Variants in PPME1 observed in about 807,000 individuals in gnomAD.
The protein encoded by PPME1 is protein phosphatase methylesterase 1, also known as testicular secretory protein Li 39.
A neutral mutation model predicts 56.9 loss-of-function variants in PPME1; 17 were observed. The ratio of observed to expected loss-of-function variants is 0.30; its 90% CI spans 0.20 to 0.45. PPME1 has a LOEUF of 0.45. Among genes scored for constraint, PPME1 ranks in the 20% least tolerant of loss-of-function variants. PPME1 has a pLI of 1.00. For synonymous variants in PPME1, 122 were observed against 156.2 expected (o/e 0.78, Z 1.63); for missense variants, 357 against 483.2 (o/e 0.74, Z 2.45).
intron 11 of PPME1, chr11:74,250,154 A>G (rs933581125): frequency 1.3e-5 from 2 of 152,206 alleles, no homozygotes; most frequent in African/African-American, 4.8e-5. Flanking sequence ...AGAACTTTCA[A>G]GCCCATTCCT....
At chr11:74,214,019 A>G (rs899759367) in intron 3 of PPME1, among the ~76,000 whole-genome samples, 7 of 152,256 alleles carry the variant, frequency 4.6e-5, no homozygotes, top group African/African-American at 1.7e-4. Flanking sequence ...AATCCCAGAG[A>G]GACAGAGATA....
Position 74,232,119 on chromosome 11 carries a change from C to CT in PPME1, c.644+1120dup, listed in dbSNP as rs537416396. On this transcript the variant is annotated intron_variant, in intron 7 of 13. Coordinates refer to ENST00000328257, the MANE Select transcript of PPME1 (RefSeq NM_016147.3). Reference sequence around the variant, plus strand: ...AGTTCTCCAAACCACCCAGATGACGCTTTCAGCAAAATTACAAGAGACCTT... The same window carrying CT: ...AGTTCTCCAAACCACCCAGATGACGCTTTTCAGCAAAATTACAAGAGACCTT... Among the ~76,000 whole-genome samples the CT allele has an allele frequency of 3.1e-3, 478 of 152,298 alleles. 3 individuals are homozygous for CT. The Middle Eastern group carries it at 0.034, about 11-fold the overall frequency.
intron 11 of PPME1, 135 bp downstream of exon 11, chr11:74,247,258 C>T: frequency 1.5e-6 from 1 of 652,778 alleles, no homozygotes; most frequent in Non-Finnish European, 2.7e-6. Flanking sequence ...ACATCCGCCT[C>T]TACTCCTAAC....
chr11:74,229,372 C>T (rs1859011969), intron 5 of PPME1, among the ~76,000 whole-genome samples: 1 of 152,076 alleles, frequency 6.6e-6, no homozygotes, highest in Non-Finnish European at 1.5e-5. Flanking sequence ...CAGTGGGTCT[C>T]CAGAAACACA....
At chr11:74,173,446 CTGAA>C (rs1857332875) in intron 1 of PPME1, among the ~76,000 whole-genome samples, 2 of 151,612 alleles carry the variant, frequency 1.3e-5, no homozygotes, top group Admixed American at 1.3e-4. Flanking sequence ...GATTGAAGAA[CTGAA>C]TGAAGATACT....
At chr11:74,233,874 C>A (rs993843198) in intron 7 of PPME1, among the ~76,000 whole-genome samples, 4 of 152,104 alleles carry the variant, frequency 2.6e-5, no homozygotes, top group African/African-American at 7.2e-5. Context: ...CAGACAGATA[C>A]AAATTTGCAT....
intron 1 of PPME1, among the ~76,000 whole-genome samples, chr11:74,183,401 G>C (rs1036918031): frequency 6.6e-6 from 1 of 152,172 alleles, no homozygotes; most frequent in African/African-American, 2.4e-5. Flanking sequence ...CAATGTTCTT[G>C]TGAGGCACAG....
At chr11:74,174,506 C>T (rs942963496) in intron 1 of PPME1, among the ~76,000 whole-genome samples, 1 of 152,184 alleles carries the variant, frequency 6.6e-6, no homozygotes, top group Non-Finnish European at 1.5e-5. Flanking sequence ...ATGTTACTCA[C>T]AAGTTAGTCC....
intron 1 of PPME1, among the ~76,000 whole-genome samples, chr11:74,198,487 G>T (rs1406118035): frequency 6.6e-6 from 1 of 152,096 alleles, no homozygotes; most frequent in African/African-American, 2.4e-5. Context: ...TTGGAGACAG[G>T]GTTTCGCCTT....
chr11:74,181,131 G>A (rs933191308), intron 1 of PPME1, among the ~76,000 whole-genome samples: 4 of 142,474 alleles, frequency 2.8e-5, no homozygotes, highest in Non-Finnish European at 3.0e-5. Flanking sequence ...TGCAAGCTCC[G>A]CTTCCCGGGT....
intron 3 of PPME1, among the ~76,000 whole-genome samples, chr11:74,207,040 C>A (rs1005349273): frequency 1.3e-5 from 2 of 152,190 alleles, no homozygotes; most frequent in African/African-American, 2.4e-5. Context: ...AAAACTCATA[C>A]TTGTTCTGAC....
At position 74,253,555 on chromosome 11, in the gene PPME1, T is replaced by TA. The variant is rs1385942057; in HGVS notation, c.*46dup. 4 of 1,571,384 alleles carry TA rather than the reference T, an allele frequency of 2.5e-6. No homozygotes were observed. The highest frequency in any genetic ancestry group is 2.6e-6 in the Non-Finnish European group (3 of 1,141,218). ...CCTCAACATCGAGCTCTGTTGTAAA[T>TA]ACGTCGCACCAGAGGCCACTGTGAT... On this transcript the variant is annotated 3_prime_UTR_variant, in exon 14 of 14. Coordinates refer to ENST00000328257, the MANE Select transcript of PPME1 (RefSeq NM_016147.3).
intron 1 of PPME1, among the ~76,000 whole-genome samples, chr11:74,200,729 C>T (rs1858139867): frequency 1.3e-5 from 2 of 152,120 alleles, no homozygotes; most frequent in South Asian, 4.1e-4. Flanking sequence ...TAGAAAATCT[C>T]TGTGGGAGTA....
chr11:74,192,921 A>G (rs1857880449), intron 1 of PPME1, among the ~76,000 whole-genome samples: 1 of 152,184 alleles, frequency 6.6e-6, no homozygotes, highest in African/African-American at 2.4e-5. Flanking sequence ...TACAGCAAGA[A>G]CAGACTTAAC....
At chr11:74,239,076 G>A in intron 8 of PPME1, 57 bp from the exon 9 acceptor site, 1 of 1,515,854 alleles carries the variant, frequency 6.6e-7, no homozygotes, top group South Asian at 1.2e-5. Flanking sequence ...GAGTATCTCT[G>A]AGATAATTTG....
intron 10 of PPME1, 52 bp downstream of exon 10, chr11:74,246,257 T>C: frequency 1.4e-6 from 2 of 1,449,036 alleles, no homozygotes; most frequent in Non-Finnish European, 1.8e-6. Flanking sequence ...TAACCAAATA[T>C]CATAGACTGA....
intron 4 of PPME1, 50 bp downstream of exon 4, chr11:74,222,419 C>T (rs761414579): frequency 4.8e-6 from 7 of 1,450,130 alleles, no homozygotes; most frequent in Non-Finnish European, 6.8e-6. Context: ...TCATCAAGCC[C>T]CTTTGAATAG....
chr11:74,251,893 T>G, intron 13 of PPME1, 178 bp downstream of exon 13: 1 of 871,492 alleles, frequency 1.1e-6, no homozygotes, highest in East Asian at 2.4e-5. Context: ...TGGTTGGTTG[T>G]TTCTTTGTGC....
chr11:74,205,221 G>A (rs1858297316), intron 3 of PPME1: 1 of 152,138 alleles, frequency 6.6e-6, no homozygotes, highest in African/African-American at 2.4e-5. Flanking sequence ...ATATTTTAAT[G>A]GTGCTTGTTA....
Sources: allele counts gnomAD v4.1 joint callset (sites outside exome capture counted in the v4.1 genomes callset), GRCh38; gene constraint gnomAD v4.1.1; transcripts MANE v1.5; gene names NCBI Gene and HGNC (gene_info 2026-07-23, HGNC 2026-07-21).